ING1: variants seen among roughly 807,000 people sequenced by gnomAD.
ING1 encodes the protein inhibitor of growth family member 1.
A neutral mutation model predicts 23.1 loss-of-function variants in ING1; 4 were observed. That is an observed-to-expected ratio of 0.17 (90% CI 0.09 to 0.40). ING1 has a LOEUF of 0.40. ING1 is among the 10% of genes least tolerant of loss of function. The pLI is 1.00. For missense variants in ING1, 256 were observed against 393.8 expected, an observed-to-expected ratio of 0.65 and a Z score of 2.96; for synonymous variants, 179 against 166.4, an observed-to-expected ratio of 1.08 and a Z score of -0.58.
rs201490185 is a variant in ING1 at position 110,719,396 on chromosome 13, C to A, written c.304C>A (p.Arg102Ser). ...VSQMVELVEN[R>S]TRQVDSHVEL... ...CCAGATGGTGGAGCTGGTGGAGAAC[C>A]GCACGCGGCAGGTGGACAGCCACGT... The change falls in exon 2 of 2, where the codon CGC (arginine) becomes AGC (serine). Residue 102 changes from arginine to serine, a missense_variant. Arg to Ser is a moderately radical substitution (Grantham distance 110, BLOSUM62 -1). This residue lies in a region of ING1 where 209 missense variants were observed against 273.8 expected (regional missense o/e 0.76). Transcript: ENST00000333219. This position sits in a 1 kb window ranked among gnomAD's most constrained non-coding sequence, Gnocchi z 8.9. The A allele has an allele frequency of 7.5e-6, 12 of 1,610,594 alleles. No homozygotes were observed. Among genetic ancestry groups the A allele is most frequent in the African/African-American group, 2.7e-5 (2 of 74,864 alleles).
Position 110,719,395 on chromosome 13 carries a change from C to T in ING1, c.303C>T (p.Asn101=), listed in dbSNP as rs769480142. The T allele has an allele frequency of 2.2e-5, 35 of 1,610,760 alleles. No homozygotes were observed. Among genetic ancestry groups the T allele is most frequent in the Non-Finnish European group, 2.9e-5 (34 of 1,179,758 alleles). ...GCCAGATGGTGGAGCTGGTGGAGAA[C>T]CGCACGCGGCAGGTGGACAGCCACG... ...IVSQMVELVE[N]RTRQVDSHVE... is the part of the protein sequence containing the mutation. Residue 101 remains asparagine (N), a synonymous_variant, in exon 2 of 2, where the codon AAC becomes AAT. Transcript: ENST00000333219. This position sits in a 1 kb window ranked among gnomAD's most constrained non-coding sequence, Gnocchi z 8.9.
At chr13:110,712,849 C>G (rs1193308553), upstream of ING1, 5 of 1,121,632 alleles carry the variant, frequency 4.5e-6, no homozygotes, top group East Asian at 1.0e-4. Flanking sequence ...GCTTCCCTCT[C>G]AGGCCCCTTT....
rs71127970 is a variant in ING1 at position 110,713,860 on chromosome 13, CG to C, written c.-288del. On this transcript the variant is annotated 5_prime_UTR_variant, in exon 1 of 2. Transcript: ENST00000333219. ...GCCGGTGTGTGCGCGCTCGTACGCG[CG>C]GCCCCCGGCGCCAGCCCCGCCGCCT... 1.0e-6 allele frequency: 1 copy of C among 981,698 alleles called. No individual in the cohort carries two copies. Among genetic ancestry groups the C allele is most frequent in the Non-Finnish European group, 1.2e-6 (1 of 828,414 alleles). The allele number at this position is 981,698 out of a possible 1,614,324, so 60.8% of individuals were successfully genotyped here.
upstream of ING1, chr13:110,713,297 G>A: frequency 1.6e-6 from 2 of 1,236,908 alleles, no homozygotes; most frequent in Non-Finnish European, 1.0e-6. Context: ...GGTAGTTGCT[G>A]TGTACCATGG....
Position 110,719,860 on chromosome 13 carries a change from C to T in ING1, c.768C>T (p.Cys256=). 2 of 1,613,270 alleles carry T rather than the reference C, an allele frequency of 1.2e-6. No individual in the cohort carries two copies. The highest frequency in any genetic ancestry group is 1.7e-6 in the Non-Finnish European group (2 of 1,179,832). Residue 256 remains cysteine (C), a synonymous_variant, in exon 2 of 2, where the codon TGC becomes TGT. Transcript: ENST00000333219. This position sits in a 1 kb window ranked among gnomAD's most constrained non-coding sequence, Gnocchi z 8.9. Reference sequence around the variant, plus strand: ...AGGGCAAGTGGTACTGTCCCAAGTGCCGGGGGGAGAACGAGAAGACCATGG... The same window carrying T: ...AGGGCAAGTGGTACTGTCCCAAGTGTCGGGGGGAGAACGAGAAGACCATGG... The part of the protein sequence containing the change: ...KPKGKWYCPK[C]RGENEKTMDK...
At chr13:110,712,720 C>G (rs888694276), upstream of ING1, 3 of 694,824 alleles carry the variant, frequency 4.3e-6, no homozygotes, top group African/African-American at 3.5e-5. Flanking sequence ...GCGGCCTTTC[C>G]AAGTGTGGGG....
intron 1 of ING1, among the ~76,000 whole-genome samples, chr13:110,714,632 T>TG (rs892806803): frequency 2.0e-5 from 3 of 151,380 alleles, no homozygotes; most frequent in African/African-American, 7.3e-5. Flanking sequence ...CGGCGCGAGA[T>TG]GGAGGGATGT....
rs34192103 is a variant in ING1 at position 110,719,257 on chromosome 13, C to G, written c.165C>G (p.Tyr55Ter). ...TCCTGAAGGAGCTAGACGAGTGCTA[C>G]GAGCGCTTCAGTCGCGAGACAGACG... ...QEILKELDEC[Y>*]ERFSRETDGA... The change falls in exon 2 of 2, where the codon TAC becomes TAG. Residue 55 changes from tyrosine to a stop codon, truncating the protein, a stop_gained. Transcript: ENST00000333219. LOFTEE classifies it high-confidence loss of function. The surrounding 1 kb of genome is among the most constrained non-coding windows in gnomAD (Gnocchi z 8.9). The G allele has an allele frequency of 6.2e-7, 1 of 1,613,080 alleles. No individual in the cohort carries two copies. Among genetic ancestry groups the G allele is most frequent in the Admixed American group, 1.7e-5 (1 of 60,032 alleles).
In ING1 at chr13:110,720,102, T is replaced by A; in HGVS notation, c.*170T>A. ...TGATTCTGTTTGCCTTTTGTTTTCA[T>A]TGGTACACGTGTAACAAGAAAGTGG... On this transcript the variant is annotated 3_prime_UTR_variant, in exon 2 of 2. Transcript: ENST00000333219. 1 of 565,104 alleles carries A rather than the reference T, an allele frequency of 1.8e-6. No individual in the cohort carries two copies. Among genetic ancestry groups the A allele is most frequent in the Non-Finnish European group, 3.1e-6 (1 of 322,988 alleles). The allele number at this position is 565,104 out of a possible 1,614,324, so 35.0% of individuals were successfully genotyped here. A position where few individuals can be genotyped will look rare whatever the true frequency, so the allele number is the denominator to read the frequency against.
At chr13:110,713,064 C>T (rs1442246645), upstream of ING1, 7 of 1,453,816 alleles carry the variant, frequency 4.8e-6, no homozygotes, top group East Asian at 7.5e-5. Context: ...CGCCCGTGCC[C>T]GGCCCTCCCC....
rs372543928 is a variant in ING1 at position 110,715,020 on chromosome 13, G to T, written c.136+735G>T. Reference sequence around the variant, plus strand: ...AAGGCGCCCATCTGCGCTGCGCTCGGGGGGGCGCGGGCAGATCGCTGGCTT... The same window carrying T: ...AAGGCGCCCATCTGCGCTGCGCTCGTGGGGGCGCGGGCAGATCGCTGGCTT... On this transcript the variant is annotated intron_variant, in intron 1 of 1. Coordinates refer to ENST00000333219, the MANE Select transcript of ING1 (RefSeq NM_198219.3). 5 of 993,918 alleles carry T rather than the reference G, an allele frequency of 5.0e-6. No individual in the cohort carries two copies. In the African/African-American group the frequency reaches 5.2e-5, roughly 10 times the overall value. 61.6% of individuals were successfully genotyped at this position (993,918 alleles called of 1,614,324 possible). A position where few individuals can be genotyped will look rare whatever the true frequency, so the allele number is the denominator to read the frequency against.
intron 1 of ING1, among the ~76,000 whole-genome samples, chr13:110,716,926 T>A (rs2064128930): frequency 6.6e-6 from 1 of 152,244 alleles, no homozygotes; most frequent in Non-Finnish European, 1.5e-5. Flanking sequence ...AATACTTTGC[T>A]TGGAGTATCA....
intron 1 of ING1, chr13:110,715,610 T>C (rs1437157464): frequency 4.3e-6 from 7 of 1,613,946 alleles, no homozygotes; most frequent in African/African-American, 1.3e-5. Context: ...GATTTGAACG[T>C]CTTCGGGTCG....
chr13:110,719,896 G>A lies in ING1; in HGVS notation c.804G>A (p.Leu268=). The A allele has an allele frequency of 6.2e-7, 1 of 1,607,548 alleles. No individual in the cohort carries two copies. Among genetic ancestry groups the A allele is most frequent in the Non-Finnish European group, 8.5e-7 (1 of 1,178,416 alleles). The part of the protein sequence containing the change: ...GENEKTMDKA[L]EKSKKERAYN... ...ACGAGAAGACCATGGACAAAGCCCT[G>A]GAGAAATCCAAAAAAGAGAGGGCTT... Residue 268 remains leucine, a synonymous_variant, in exon 2 of 2, where the codon CTG becomes CTA. Transcript: ENST00000333219. This position sits in a 1 kb window ranked among gnomAD's most constrained non-coding sequence, Gnocchi z 8.9.
At position 110,713,718 on chromosome 13, in the gene ING1, A is replaced by T. The variant is rs1566376896; in HGVS notation, c.-432A>T. 4.1e-6 allele frequency: 4 copies of T among 985,244 alleles called. No individual in the cohort carries two copies. Among genetic ancestry groups the T allele is most frequent in the Non-Finnish European group, 4.8e-6 (4 of 829,900 alleles). 61.0% of individuals were successfully genotyped at this position (985,244 alleles called of 1,614,324 possible). A position where few individuals can be genotyped will look rare whatever the true frequency, so the allele number is the denominator to read the frequency against. On this transcript the variant is annotated 5_prime_UTR_variant, in exon 1 of 2. Coordinates refer to ENST00000333219, the MANE Select transcript of ING1 (RefSeq NM_198219.3). ...GGTATTTGGGTTTTCCACGTTGGAC[A>T]AGTGCGGCTCGGCGGCCAGCGGAGC... is the stretch of plus-strand genomic sequence containing the variant.
upstream of ING1, chr13:110,713,482 C>T (rs1427017995): frequency 1.0e-6 from 1 of 988,226 alleles, no homozygotes; most frequent in Non-Finnish European, 1.2e-6. Flanking sequence ...CCCAGCGGCC[C>T]TGACGCTGTC....
chr13:110,713,199 C>T (rs367819821), upstream of ING1: 128 of 1,423,464 alleles, frequency 9.0e-5, 1 homozygote, highest in East Asian at 6.6e-4. Flanking sequence ...AGTAGATTGG[C>T]TACTGCGGTT....
In ING1 at chr13:110,719,583, G is replaced by C; in HGVS notation, c.491G>C (p.Ser164Thr). 1 of 1,611,512 alleles carries C rather than the reference G, an allele frequency of 6.2e-7. No individual in the cohort carries two copies. The highest frequency in any genetic ancestry group is 8.5e-7 in the Non-Finnish European group (1 of 1,179,328). The change falls in exon 2 of 2, where the codon AGC (serine) becomes ACC (threonine). Residue 164 changes from serine (S) to threonine (T), a missense_variant. Ser to Thr is a moderately conservative substitution (Grantham distance 58). Coordinates refer to ENST00000333219, the MANE Select transcript of ING1 (RefSeq NM_198219.3). The surrounding 1 kb of genome is among the most constrained non-coding windows in gnomAD (Gnocchi z 8.9). The part of the protein sequence containing the change: ...RNNENRENAS[S>T]NHDHDDGASG... ...AACGAGAACCGTGAGAACGCGTCCA[G>C]CAACCACGACCACGACGACGGCGCC...
intron 1 of ING1, among the ~76,000 whole-genome samples, chr13:110,717,818 T>TC (rs1456840504): frequency 6.6e-6 from 1 of 152,136 alleles, no homozygotes; most frequent in Non-Finnish European, 1.5e-5. Flanking sequence ...AGAGTGAAAC[T>TC]CCGTTTCAAC....
Sources: gnomAD v4.1 joint callset for allele counts (sites outside exome capture counted in the v4.1 genomes callset) on GRCh38, gnomAD v4.1.1 for gene constraint, gnomAD v4.1.1 regional missense constraint, Gnocchi (gnomAD v3.1) non-coding constraint, MANE v1.5 for transcripts, NCBI Gene and HGNC (gene_info 2026-07-23, HGNC 2026-07-21) for gene names.